The following CEP72 variants were observed in gnomAD, a reference collection of about 807,000 sequenced individuals.
CEP72 encodes centrosomal protein of 72 kDa.
Under a neutral mutation model 65.7 loss-of-function variants are expected in CEP72, and 78 were observed. The observed-to-expected ratio is 1.19, with a 90% CI of 0.99 to 1.43. The LOEUF (loss-of-function observed/expected upper bound fraction) is 1.43, where lower values mean the gene tolerates loss of function less well. Ranked by LOEUF, CEP72 falls within the 40% of genes most tolerant of loss-of-function variation. The pLI is 0.00. For missense variants in CEP72, 914 were observed against 832.9 expected (o/e 1.10, Z -1.20); for synonymous variants, 358 against 351.7 (o/e 1.02, Z -0.20).
chr5:648,819 GACTGTGAGGTGT>G (rs1738650117), intron 11 of CEP72, among the ~76,000 whole-genome samples: 3 of 131,162 alleles, frequency 2.3e-5, no homozygotes, highest in Admixed American at 1.5e-4. Context: ...TGTGAGGTGT[GACTGTGAGGTGT>G]GACTGTGAGG....
At chr5:634,047 C>A in intron 5 of CEP72, 100 bp downstream of exon 5, 1 of 1,098,200 alleles carries the variant, frequency 9.1e-7, no homozygotes, top group Non-Finnish European at 1.3e-6. Flanking sequence ...TTTTGTGGAA[C>A]TTACCTTGAA....
At chr5:675,271 G>GT in the CEP72 span, among the ~76,000 whole-genome samples, 3 of 110,850 alleles carry the variant, frequency 2.7e-5, no homozygotes, top group Admixed American at 1.7e-4. Context: ...CGGGGGTGCA[G>GT]CCCAGGGGGT....
In CEP72 at chr5:645,547, T is replaced by C. The variant is rs1000239258; in HGVS notation, c.1666+1122T>C. Among the ~76,000 whole-genome samples, 87 of 151,936 alleles carry C rather than the reference T, an allele frequency of 5.7e-4. No individual in the cohort carries two copies. The highest frequency in any genetic ancestry group is 2.1e-3 in the African/African-American group (86 of 41,442). ...CTCTGTGGGCTTTCTCTGGGTGCGCTGTTTTCCCCCATGCCCCAAAGCTGT... is the reference window on the plus strand; with the variant it reads ...CTCTGTGGGCTTTCTCTGGGTGCGCCGTTTTCCCCCATGCCCCAAAGCTGT... On this transcript the variant is annotated intron_variant, in intron 10 of 11. Coordinates refer to ENST00000264935, the MANE Select transcript of CEP72 (RefSeq NM_018140.4). This position sits in a 1 kb window ranked among gnomAD's most constrained non-coding sequence, Gnocchi z 4.0.
At chr5:652,882 G>A in intron 11 of CEP72, 106 bp from the exon 12 acceptor site, 1 of 1,278,716 alleles carries the variant, frequency 7.8e-7, no homozygotes, top group African/African-American at 1.5e-5. Context: ...TGCAGGGCCA[G>A]GGCACCTTCG....
downstream of CEP72, among the ~76,000 whole-genome samples, chr5:670,514 G>C (rs868321471): frequency 1.3e-5 from 2 of 152,098 alleles, no homozygotes; most frequent in African/African-American, 4.8e-5. Flanking sequence ...ATTAGCCCCT[G>C]AGACCTGAGG....
intron 9 of CEP72, chr5:641,810 G>A (rs534468627): frequency 5.1e-6 from 5 of 981,460 alleles, no homozygotes; most frequent in East Asian, 1.2e-4. Flanking sequence ...TTAAGCACAC[G>A]TGGTCCCCGG....
chr5:661,153 A>G (rs1223214288), downstream of CEP72: 1 of 152,420 alleles, frequency 6.6e-6, no homozygotes, highest in Non-Finnish European at 1.5e-5. Context: ...TCCTTTCCTG[A>G]TGCTGAGACA....
Position 647,861 on chromosome 5 carries a change from C to T in CEP72, c.1723C>T (p.Leu575=), listed in dbSNP as rs1387012565. ...CGEIVELKQH[L]EHYDKIQELT... is the part of the protein sequence containing the mutation. ...CGAGATTGTGGAACTGAAGCAGCAC[C>T]TGGAGCACTACGACAAGATCCAGGA... The change falls in exon 11 of 12, where the codon CTG becomes TTG. Residue 575 remains leucine (L), a synonymous_variant. Transcript: ENST00000264935. The T allele has an allele frequency of 6.2e-7, 1 of 1,612,592 alleles. No homozygotes were observed. The highest frequency in any genetic ancestry group is 8.5e-7 in the Non-Finnish European group (1 of 1,179,962).
At chr5:613,939 A>AGG in intron 1 of CEP72, among the ~76,000 whole-genome samples, 1 of 152,234 alleles carries the variant, frequency 6.6e-6, no homozygotes, top group Non-Finnish European at 1.5e-5. Context: ...AGTGATCCTG[A>AGG]GGCAGTAGGC....
intron 9 of CEP72, 25 bp from the exon 10 acceptor site, chr5:644,274 T>C: frequency 6.2e-7 from 1 of 1,609,858 alleles, no homozygotes; most frequent in Non-Finnish European, 8.5e-7. Flanking sequence ...ACTTGTGCAC[T>C]TAAGTGTATT....
chr5:643,378 G>C (rs1009657460), intron 9 of CEP72: 6 of 985,360 alleles, frequency 6.1e-6, no homozygotes, highest in African/African-American at 1.7e-5. Context: ...ACACCTTGGG[G>C]AGAAGTCCGC....
intron 8 of CEP72, among the ~76,000 whole-genome samples, chr5:640,148 C>A (rs1418876627): frequency 6.6e-6 from 1 of 152,198 alleles, no homozygotes; most frequent in African/African-American, 2.4e-5. Flanking sequence ...GGCGGCGCCA[C>A]TGAAACCTTG....
chr5:656,710 G>A (rs1458936008), downstream of CEP72, among the ~76,000 whole-genome samples: 1 of 152,078 alleles, frequency 6.6e-6, no homozygotes, highest in Non-Finnish European at 1.5e-5. Context: ...TGAGTAATGG[G>A]TTTTCTTTCC....
chr5:650,825 T>G (rs142480531), intron 11 of CEP72, among the ~76,000 whole-genome samples: 1 of 7,212 alleles, frequency 1.4e-4, no homozygotes, highest in Non-Finnish European at 2.3e-4. Flanking sequence ...GACTGTGAGG[T>G]GTGACTGTGA....
downstream of CEP72, among the ~76,000 whole-genome samples, chr5:658,705 A>G (rs1478540193): frequency 5.0e-4 from 47 of 93,666 alleles, no homozygotes; most frequent in Admixed American, 1.7e-3. Flanking sequence ...GTCTCGCTCT[A>G]TTGCCCAGGC....
chr5:675,398 GT>G, the CEP72 span, among the ~76,000 whole-genome samples: 6 of 136,292 alleles, frequency 4.4e-5, no homozygotes, highest in African/African-American at 1.4e-4. Flanking sequence ...AGGGTGCAGT[GT>G]GGCCAGGGGT....
At chr5:618,354 G>C (rs1205217249) in intron 1 of CEP72, among the ~76,000 whole-genome samples, 3 of 152,226 alleles carry the variant, frequency 2.0e-5, no homozygotes, top group Admixed American at 2.0e-4. Context: ...ATCTCTCTGA[G>C]AAAAGCTGAA....
chr5:670,076 T>C (rs1041844900), downstream of CEP72, among the ~76,000 whole-genome samples: 1 of 137,940 alleles, frequency 7.2e-6, no homozygotes, highest in Non-Finnish European at 1.7e-5. Context: ...TCCCAGGCTC[T>C]GAGTCCCCTG....
At position 612,403 on chromosome 5, in the gene CEP72, G is replaced by T. The variant is rs989519767; in HGVS notation, c.42G>T (p.Ala14=). 5 of 1,489,636 alleles carry T rather than the reference G, an allele frequency of 3.4e-6. No individual in the cohort carries two copies. In the African/African-American group the frequency reaches 4.4e-5, roughly 13 times the overall value. The allele number at this position is 1,489,636 out of a possible 1,614,324, so 92.3% of individuals were successfully genotyped here. A position where few individuals can be genotyped will look rare whatever the true frequency, so the allele number is the denominator to read the frequency against. Residue 14 remains alanine, a synonymous_variant, in exon 1 of 12, where the codon GCG becomes GCT. Coordinates refer to ENST00000264935, the MANE Select transcript of CEP72 (RefSeq NM_018140.4). Reference sequence around the variant, plus strand: ...CTCGGCTGGTGCTGAGCGAGGAGGCGGTTCGGGCGAAGAGCGGCTTAGGGC... The same window carrying T: ...CTCGGCTGGTGCTGAGCGAGGAGGCTGTTCGGGCGAAGAGCGGCTTAGGGC... The part of the protein sequence containing the change: ...AGPRLVLSEE[A]VRAKSGLGPH...
Sources: gnomAD v4.1 joint callset for allele counts (sites outside exome capture counted in the v4.1 genomes callset) on GRCh38, gnomAD v4.1.1 for gene constraint, Gnocchi (gnomAD v3.1) non-coding constraint, MANE v1.5 for transcripts, NCBI Gene and HGNC (gene_info 2026-07-23, HGNC 2026-07-21) for gene names.